ELFN2: variants seen among roughly 807,000 people sequenced by gnomAD.
ELFN2 encodes extracellular leucine rich repeat and fibronectin type III domain containing 2, also known as protein phosphatase 1 regulatory subunit 29.
ELFN2 carries 17 observed loss-of-function variants against 45.5 expected under a neutral mutation model. The ratio of observed to expected loss-of-function variants is 0.37; its 90% CI spans 0.26 to 0.56. The LOEUF is 0.56. Among genes scored for constraint, ELFN2 ranks in the 20% least tolerant of loss-of-function variants. The probability of loss-of-function intolerance (pLI) is 0.77; values close to 1 mark genes in which losing one functional copy is unlikely to be tolerated. For synonymous variants in ELFN2, 550 were observed against 551.5 expected, an observed-to-expected ratio of 1.00 and a Z score of 0.04; for missense variants, 922 against 1,183.2, an observed-to-expected ratio of 0.78 and a Z score of 3.24.
At chr22:37,363,410 C>T (rs1012811673), downstream of ELFN2, among the ~76,000 whole-genome samples, 6 of 152,084 alleles carry the variant, frequency 3.9e-5, no homozygotes, top group African/African-American at 1.4e-4. Context: ...TCAGGGGAGG[C>T]GAGAGTTGCT....
At chr22:37,341,198 T>C (rs1601727731) in intron 2 of ELFN2, among the ~76,000 whole-genome samples, 1 of 151,498 alleles carries the variant, frequency 6.6e-6, no homozygotes, top group Non-Finnish European at 1.5e-5. Flanking sequence ...GGAGGGGAGG[T>C]GCAGTCTTGA....
rs1319438856 is a variant in ELFN2, at chr22:37,417,157, A to T, written c.-463+612T>A. Among the ~76,000 whole-genome samples, 1 of 151,804 alleles carries T rather than the reference A, an allele frequency of 6.6e-6. No homozygotes were observed. The highest frequency in any genetic ancestry group is 1.5e-5 in the Non-Finnish European group (1 of 67,812). On this transcript the variant is annotated intron_variant, in intron 2 of 2. Coordinates refer to ENST00000402918, the MANE Select transcript of ELFN2 (RefSeq NM_052906.5). This position sits in a 1 kb window ranked among gnomAD's most constrained non-coding sequence, Gnocchi z 4.5. ...TCCTCTCCTCTCCAGGGCAGCCACCAGCCCCAGCCAGGACGGAGCAGCTCC... is the reference window on the plus strand; with the variant it reads ...TCCTCTCCTCTCCAGGGCAGCCACCTGCCCCAGCCAGGACGGAGCAGCTCC...
chr22:37,395,710 C>G (rs1238834531), intron 2 of ELFN2, among the ~76,000 whole-genome samples: 2 of 152,160 alleles, frequency 1.3e-5, no homozygotes, highest in African/African-American at 4.8e-5. Context: ...AGCACTGGCA[C>G]AATATCCGTG....
intron 2 of ELFN2, among the ~76,000 whole-genome samples, chr22:37,397,290 G>A (rs7285998): frequency 0.22 from 33,066 of 152,138 alleles, 3,909 homozygotes; most frequent in South Asian, 0.42. Flanking sequence ...AGCCTGGCAT[G>A]GAGAAGGCAC....
At chr22:37,407,772 G>A (rs770828173) in intron 2 of ELFN2, among the ~76,000 whole-genome samples, 16 of 152,028 alleles carry the variant, frequency 1.1e-4, no homozygotes, top group Non-Finnish European at 2.1e-4. Flanking sequence ...GCAAGCGCCT[G>A]TAGTCCCAGC....
At position 37,417,260 on chromosome 22, in the gene ELFN2, A is replaced by T. The variant is rs1932769551; in HGVS notation, c.-463+509T>A. ...CTGTGCCTCCAAAATTCAATGACAT[A>T]GGATCAGGCCCCATATCAATTCTGC... On this transcript the variant is annotated intron_variant, in intron 2 of 2. Transcript: ENST00000402918. This position sits in a 1 kb window ranked among gnomAD's most constrained non-coding sequence, Gnocchi z 4.5. Among the ~76,000 whole-genome samples, 1 of 152,188 alleles carries T rather than the reference A, an allele frequency of 6.6e-6. No homozygotes were observed. Among genetic ancestry groups the T allele is most frequent in the African/African-American group, 2.4e-5 (1 of 41,454 alleles).
At chr22:37,419,118 G>A (rs1410994385) in intron 1 of ELFN2, among the ~76,000 whole-genome samples, 1 of 151,882 alleles carries the variant, frequency 6.6e-6, no homozygotes, top group Non-Finnish European at 1.5e-5. Flanking sequence ...CTGGCAGCCA[G>A]CGGCGCCCAA....
At chr22:37,349,918 C>G (rs1444171111) in intron 1 of ELFN2, among the ~76,000 whole-genome samples, 1 of 151,176 alleles carries the variant, frequency 6.6e-6, no homozygotes, top group Non-Finnish European at 1.5e-5. Context: ...TGAGGACAGT[C>G]AAGAGGTAAG....
At chr22:37,414,814 G>A (rs535302889) in intron 2 of ELFN2, among the ~76,000 whole-genome samples, 1 of 152,182 alleles carries the variant, frequency 6.6e-6, no homozygotes, top group Non-Finnish European at 1.5e-5. Flanking sequence ...AGACAGCTCA[G>A]CCTGTCAGAA....
At chr22:37,363,820 C>T (rs146804002), downstream of ELFN2, among the ~76,000 whole-genome samples, 1,204 of 152,278 alleles carry the variant, frequency 7.9e-3, 68 homozygotes, top group Admixed American at 0.072. Context: ...ACGGCAGGGC[C>T]GAGAGCAGCC....
At chr22:37,383,438 G>A (rs1931844323) in intron 2 of ELFN2, among the ~76,000 whole-genome samples, 1 of 152,198 alleles carries the variant, frequency 6.6e-6, no homozygotes, top group South Asian at 2.1e-4. Flanking sequence ...ATCATGTCTT[G>A]TTAGTCTCAG....
chr22:37,393,994 G>C (rs541189286), intron 2 of ELFN2, among the ~76,000 whole-genome samples: 1 of 152,140 alleles, frequency 6.6e-6, no homozygotes, highest in Non-Finnish European at 1.5e-5. Flanking sequence ...GCTCTGACCC[G>C]CCTGCCACCT....
chr22:37,375,698 G>T lies in ELFN2; in HGVS notation c.-164C>A. On this transcript the variant is annotated 5_prime_UTR_variant, in exon 3 of 3. Coordinates refer to ENST00000402918, the MANE Select transcript of ELFN2 (RefSeq NM_052906.5). The stretch of plus-strand genomic sequence containing the variant: ...GGTACAGCTAGTGCCAACTGCTGGG[G>T]ATCTTCTAGGGTGCTACAGCAGGCA... 1 of 810,784 alleles carries T rather than the reference G, an allele frequency of 1.2e-6. No homozygotes were observed. The highest frequency in any genetic ancestry group is 1.8e-5 in the African/African-American group (1 of 57,096). 50.2% of individuals were successfully genotyped at this position (810,784 alleles called of 1,614,324 possible).
At chr22:37,393,354 G>T (rs918308655) in intron 2 of ELFN2, among the ~76,000 whole-genome samples, 1 of 152,200 alleles carries the variant, frequency 6.6e-6, no homozygotes, top group Non-Finnish European at 1.5e-5. Context: ...CCTGGGCCTG[G>T]GCCTGGGCTT....
intron 2 of ELFN2, among the ~76,000 whole-genome samples, chr22:37,401,396 G>A (rs1932357570): frequency 6.6e-6 from 1 of 150,988 alleles, no homozygotes; most frequent in Admixed American, 6.6e-5. Flanking sequence ...AGCAAAGCTG[G>A]TGGTCATGGG....
chr22:37,422,983 G>A (rs73414228), intron 1 of ELFN2, among the ~76,000 whole-genome samples: 2,391 of 144,762 alleles, frequency 0.017, 80 homozygotes, highest in African/African-American at 0.061. Flanking sequence ...GACCCACACC[G>A]AGGAGGAAAA....
chr22:37,373,998 C>T lies in ELFN2; in HGVS notation c.1537G>A (p.Gly513Ser), dbSNP rs770420117. 2.2e-5 allele frequency: 36 copies of T among 1,612,932 alleles called. No homozygotes were observed. Among genetic ancestry groups the T allele is most frequent in the Non-Finnish European group, 2.7e-5 (32 of 1,179,980 alleles). ...IEVRTGAGGD[G>S]LARPEDDLPD... Reference sequence around the variant, plus strand: ...AGGTCATCCTCGGGCCGAGCCAGACCGTCCCCGCCGGCGCCTGTGCGCACC... The same window carrying T: ...AGGTCATCCTCGGGCCGAGCCAGACTGTCCCCGCCGGCGCCTGTGCGCACC... The change falls in exon 3 of 3, where the codon GGT becomes AGT. Residue 513 changes from glycine to serine, a missense_variant. Gly to Ser is a moderately conservative substitution (Grantham distance 56). Transcript: ENST00000402918.
intron 1 of ELFN2, among the ~76,000 whole-genome samples, chr22:37,426,594 G>A (rs1329669895): frequency 1.5e-5 from 2 of 135,858 alleles, no homozygotes; most frequent in Non-Finnish European, 3.1e-5. Context: ...GACAGCTGCT[G>A]GAGCCCACAC....
At chr22:37,357,418 T>A (rs1282646611) in intron 1 of ELFN2, among the ~76,000 whole-genome samples, 1 of 152,206 alleles carries the variant, frequency 6.6e-6, no homozygotes, top group Non-Finnish European at 1.5e-5. Context: ...CAGAGGAGTA[T>A]CTTTGCATAG....
Sources: allele counts gnomAD v4.1 joint callset (sites outside exome capture counted in the v4.1 genomes callset), GRCh38; gene constraint gnomAD v4.1.1; non-coding constraint Gnocchi (gnomAD v3.1); transcripts MANE v1.5; gene names NCBI Gene and HGNC (gene_info 2026-07-23, HGNC 2026-07-21).